The following TM4SF20 variants were observed in gnomAD, a reference collection of about 807,000 sequenced individuals.
TM4SF20 encodes the protein transmembrane 4 L six family member 20.
A neutral mutation model predicts 15.1 loss-of-function variants in TM4SF20; 13 were observed. The observed-to-expected ratio is 0.86, with a 90% CI of 0.56 to 1.36. The LOEUF is 1.36. Among genes scored for constraint, TM4SF20 ranks in the 40% most tolerant of loss-of-function variants. The probability of loss-of-function intolerance (pLI) is 0.00; values close to 1 mark genes in which losing one functional copy is unlikely to be tolerated. For synonymous variants in TM4SF20, 92 were observed against 96.6 expected (o/e 0.95, Z 0.28); for missense variants, 282 against 268.4 (o/e 1.05, Z -0.35).
At chr2:227,364,194 A>T (rs2106487315) in intron 3 of TM4SF20, among the ~76,000 whole-genome samples, 182 bp from the exon 4 acceptor site, 1 of 152,278 alleles carries the variant, frequency 6.6e-6, no homozygotes, top group East Asian at 1.9e-4. Flanking sequence ...AACTTTTATT[A>T]CTTATATAGC....
At chr2:227,380,367 G>T (rs2106498444), upstream of TM4SF20, among the ~76,000 whole-genome samples, 1 of 152,262 alleles carries the variant, frequency 6.6e-6, no homozygotes, top group East Asian at 1.9e-4. Flanking sequence ...TGCTTATGCT[G>T]ACTGACCATC....
rs556585272 is a variant in TM4SF20, at chr2:227,365,058, G to A, written c.401+1035C>T. 2.0e-5 allele frequency among the ~76,000 whole-genome samples: 3 copies of A among 152,256 alleles called. 1 individual carries two copies. Among genetic ancestry groups the A allele is most frequent in the South Asian group, 4.2e-4 (2 of 4,818 alleles). Reference sequence around the variant, plus strand: ...CCTGAGTAGCTGGGACTAGAGGCGCGTGCCACCACGCCTGGCTCATTTTTG... The same window carrying A: ...CCTGAGTAGCTGGGACTAGAGGCGCATGCCACCACGCCTGGCTCATTTTTG... On this transcript the variant is annotated intron_variant, in intron 3 of 3. Transcript: ENST00000304568.
chr2:227,371,716 A>G (rs895353742), intron 1 of TM4SF20, among the ~76,000 whole-genome samples: 5 of 152,192 alleles, frequency 3.3e-5, no homozygotes, highest in Non-Finnish European at 5.9e-5. Flanking sequence ...GGAACAAATC[A>G]TTCTGTCACC....
intron 3 of TM4SF20, among the ~76,000 whole-genome samples, chr2:227,365,359 A>T (rs1389710968): frequency 2.0e-5 from 3 of 152,244 alleles, no homozygotes; most frequent in African/African-American, 7.2e-5. Context: ...TGAGCAGGCT[A>T]TACAGAGAGG....
chr2:227,374,606 ATAT>A (rs1445602779), intron 1 of TM4SF20, among the ~76,000 whole-genome samples: 1 of 152,140 alleles, frequency 6.6e-6, no homozygotes, highest in Admixed American at 6.6e-5. Context: ...AAGGAAAGTA[ATAT>A]TGTTGATTTT....
At chr2:227,370,637 A>G (rs1452007079) in intron 2 of TM4SF20, among the ~76,000 whole-genome samples, 1 of 152,188 alleles carries the variant, frequency 6.6e-6, no homozygotes, top group Non-Finnish European at 1.5e-5. Flanking sequence ...GTGCACCTGT[A>G]GTCCCAGCTA....
In TM4SF20 at chr2:227,366,103, T is replaced by A. The variant is rs748370545; in HGVS notation, c.391A>T (p.Lys131Ter). 6.2e-7 allele frequency: 1 copy of A among 1,612,138 alleles called. No individual in the cohort carries two copies. Among genetic ancestry groups the A allele is most frequent in the Non-Finnish European group, 8.5e-7 (1 of 1,179,490 alleles). ...NSNANCEFSL[K>*]NISDIHPESF... is the part of the protein sequence containing the mutation. Reference sequence around the variant, plus strand: ...AATCAAGTTACTTACCTGATGTTTTTCAATGAAAATTCACAATTGGCATTA... The same window carrying A: ...AATCAAGTTACTTACCTGATGTTTTACAATGAAAATTCACAATTGGCATTA... The change falls in exon 3 of 4, where the codon AAA becomes TAA. Residue 131 changes from lysine to a stop codon, truncating the protein, a stop_gained. Transcript: ENST00000304568. LOFTEE classifies it low-confidence loss of function (END_TRUNC).
Position 227,366,013 on chromosome 2 carries a change from A to C in TM4SF20, c.401+80T>G. 3 of 1,381,908 alleles carry C rather than the reference A, an allele frequency of 2.2e-6. No individual in the cohort carries two copies. The South Asian group carries it at 4.9e-5, about 22-fold the overall frequency. The allele number at this position is 1,381,908 out of a possible 1,614,324, so 85.6% of individuals were successfully genotyped here. On this transcript the variant is annotated intron_variant, in intron 3 of 3. Coordinates refer to ENST00000304568, the MANE Select transcript of TM4SF20 (RefSeq NM_024795.4). ...CAGTTGCATCAAATAAAAACATGGCATTGTTCCAGTACTGCATTAATCTAA... is the reference window on the plus strand; with the variant it reads ...CAGTTGCATCAAATAAAAACATGGCCTTGTTCCAGTACTGCATTAATCTAA...
chr2:227,371,646 A>G (rs951093899), intron 1 of TM4SF20, among the ~76,000 whole-genome samples: 1 of 152,198 alleles, frequency 6.6e-6, no homozygotes. Context: ...CAGAAATTGT[A>G]TGGATTATTC....
chr2:227,379,582 C>T (rs891488056), upstream of TM4SF20, among the ~76,000 whole-genome samples: 51 of 152,092 alleles, frequency 3.4e-4, no homozygotes, highest in African/African-American at 1.2e-3. Flanking sequence ...AAAGTAAAAA[C>T]AAAAATATCC....
At chr2:227,370,601 T>C (rs955595851) in intron 2 of TM4SF20, among the ~76,000 whole-genome samples, 1 of 151,940 alleles carries the variant, frequency 6.6e-6, no homozygotes, top group African/African-American at 2.4e-5. Context: ...CTACTAAAAA[T>C]ACAAAAATTA....
upstream of TM4SF20, chr2:227,381,459 A>G (rs2076479595): frequency 1.3e-5 from 2 of 151,862 alleles, no homozygotes; most frequent in African/African-American, 4.8e-5. Flanking sequence ...TTTATTTTAT[A>G]AAAATTAATA....
At chr2:227,378,650 G>A (rs2076463340) in intron 1 of TM4SF20, among the ~76,000 whole-genome samples, 1 of 152,094 alleles carries the variant, frequency 6.6e-6, no homozygotes. Flanking sequence ...CATCACCCAG[G>A]CTAGTCATCA....
intron 3 of TM4SF20, among the ~76,000 whole-genome samples, 155 bp from the exon 4 acceptor site, chr2:227,364,167 T>C (rs1033602612): frequency 6.6e-6 from 1 of 152,240 alleles, no homozygotes; most frequent in Non-Finnish European, 1.5e-5. Context: ...TGTGTCCATA[T>C]ACTCTACTAG....
chr2:227,378,995 A>G, intron 1 of TM4SF20, 91 bp downstream of exon 1: 1 of 1,275,200 alleles, frequency 7.8e-7, no homozygotes, highest in Non-Finnish European at 1.1e-6. Flanking sequence ...AAGCCAAGAC[A>G]TAGTTAACTG....
intron 1 of TM4SF20, among the ~76,000 whole-genome samples, chr2:227,371,545 G>C (rs1000020956): frequency 3.3e-5 from 5 of 152,138 alleles, no homozygotes; most frequent in African/African-American, 1.2e-4. Flanking sequence ...ATCTCACTCT[G>C]TTGCCCAGAC....
At chr2:227,378,205 A>AT (rs1172803875) in intron 1 of TM4SF20, among the ~76,000 whole-genome samples, 1 of 152,192 alleles carries the variant, frequency 6.6e-6, no homozygotes, top group Non-Finnish European at 1.5e-5. Flanking sequence ...CAACATCCAC[A>AT]TCCCCATTTT....
intron 1 of TM4SF20, among the ~76,000 whole-genome samples, chr2:227,377,530 GT>G (rs2106496585): frequency 6.6e-6 from 1 of 152,328 alleles, no homozygotes; most frequent in African/African-American, 2.4e-5. Flanking sequence ...AAGGAAGAGT[GT>G]TTTTGTAAAT....
intron 1 of TM4SF20, among the ~76,000 whole-genome samples, 160 bp downstream of exon 1, chr2:227,378,926 C>T (rs1015787407): frequency 6.6e-6 from 1 of 152,128 alleles, no homozygotes; most frequent in East Asian, 1.9e-4. Context: ...TTTAAATTAC[C>T]ATTCTTCACT....
Sources: allele counts gnomAD v4.1 joint callset (sites outside exome capture counted in the v4.1 genomes callset), GRCh38; gene constraint gnomAD v4.1.1; transcripts MANE v1.5; gene names NCBI Gene and HGNC (gene_info 2026-07-23, HGNC 2026-07-21).